Variants in KLHL32 observed in about 807,000 individuals in gnomAD.
The protein encoded by KLHL32 is kelch like family member 32.
In KLHL32, 35 loss-of-function variants were observed where a neutral mutation model predicts 64.8. The ratio of observed to expected loss-of-function variants is 0.54; its 90% CI spans 0.41 to 0.72. The LOEUF is 0.72. KLHL32 is among the 30% of genes least tolerant of loss of function. The pLI is 0.00. For missense variants in KLHL32, 589 were observed against 768.5 expected (o/e 0.77, Z 2.76); for synonymous variants, 259 against 281.0 (o/e 0.92, Z 0.78).
intron 1 of KLHL32, among the ~76,000 whole-genome samples, chr6:96,957,430 G>A (rs1337208640): frequency 6.6e-6 from 1 of 152,114 alleles, no homozygotes; most frequent in Non-Finnish European, 1.5e-5. Context: ...AAAGTAATAT[G>A]TTATTTATCA....
chr6:96,972,532 ACTGT>A (rs2128040284), intron 2 of KLHL32, among the ~76,000 whole-genome samples: 1 of 152,332 alleles, frequency 6.6e-6, no homozygotes, highest in African/African-American at 2.4e-5. Context: ...AAGCCAGGAC[ACTGT>A]CTGCACTCAC....
At chr6:96,988,749 A>G (rs1051715801) in intron 3 of KLHL32, among the ~76,000 whole-genome samples, 7 of 152,262 alleles carry the variant, frequency 4.6e-5, no homozygotes, top group African/African-American at 1.4e-4. Context: ...TGTGGCACAT[A>G]TACACCATGG....
At chr6:97,002,722 A>G (rs902314357) in intron 3 of KLHL32, among the ~76,000 whole-genome samples, 12 of 152,174 alleles carry the variant, frequency 7.9e-5, no homozygotes, top group Non-Finnish European at 1.5e-4. Flanking sequence ...GAGATCACGC[A>G]GTATTTGGTT....
At chr6:96,988,941 C>A (rs1396729829) in intron 3 of KLHL32, among the ~76,000 whole-genome samples, 1 of 151,504 alleles carries the variant, frequency 6.6e-6, no homozygotes. Flanking sequence ...ACATCACACA[C>A]TGGGGCCTGT....
intron 10 of KLHL32, among the ~76,000 whole-genome samples, chr6:97,136,162 G>C (rs1254117992): frequency 6.6e-6 from 1 of 152,120 alleles, no homozygotes; most frequent in Admixed American, 6.5e-5. Context: ...AAATAGTTCT[G>C]AGATTGTTCT....
chr6:96,970,205 A>G (rs901371232), intron 2 of KLHL32, among the ~76,000 whole-genome samples: 1 of 152,170 alleles, frequency 6.6e-6, no homozygotes, highest in Admixed American at 6.5e-5. Flanking sequence ...AGTCTGGCCC[A>G]GTCTCCCCTA....
intron 3 of KLHL32, among the ~76,000 whole-genome samples, chr6:97,011,980 A>G (rs1259533097): frequency 2.6e-5 from 4 of 151,546 alleles, no homozygotes; most frequent in Non-Finnish European, 4.4e-5. Context: ...AACTTTACAG[A>G]TGATGAATTA....
chr6:96,932,712 G>A (rs1039466976), intron 1 of KLHL32, among the ~76,000 whole-genome samples: 3 of 151,866 alleles, frequency 2.0e-5, no homozygotes, highest in African/African-American at 7.3e-5. Flanking sequence ...AACTATAGGT[G>A]TGTATCACCA....
At chr6:97,035,288 T>C (rs1784124970) in intron 3 of KLHL32, among the ~76,000 whole-genome samples, 1 of 152,122 alleles carries the variant, frequency 6.6e-6, no homozygotes, top group African/African-American at 2.4e-5. Flanking sequence ...TAGTCAGAGT[T>C]TAATTCTTTT....
chr6:97,057,951 T>C (rs1053081678), intron 4 of KLHL32, among the ~76,000 whole-genome samples: 1 of 152,204 alleles, frequency 6.6e-6, no homozygotes, highest in Non-Finnish European at 1.5e-5. Context: ...GGTTCAATTT[T>C]TGTATGTGAG....
At chr6:96,972,000 C>T (rs113704992) in intron 2 of KLHL32, among the ~76,000 whole-genome samples, 192 of 152,032 alleles carry the variant, frequency 1.3e-3, no homozygotes, top group African/African-American at 4.3e-3. Flanking sequence ...TACAGGCATG[C>T]GCCACCACAC....
chr6:97,077,116 C>G (rs1791718140), intron 5 of KLHL32, among the ~76,000 whole-genome samples: 1 of 152,128 alleles, frequency 6.6e-6, no homozygotes, highest in Admixed American at 6.5e-5. Context: ...ACAAATGATA[C>G]AAATAGCAAG....
At chr6:97,007,793 G>A (rs781368429) in intron 3 of KLHL32, among the ~76,000 whole-genome samples, 2 of 152,122 alleles carry the variant, frequency 1.3e-5, no homozygotes, top group African/African-American at 2.4e-5. Context: ...CTCTAACTCT[G>A]GGGGGCTGGC....
intron 6 of KLHL32, among the ~76,000 whole-genome samples, chr6:97,106,477 T>A (rs111973150): frequency 0.051 from 7,706 of 152,250 alleles, 677 homozygotes; most frequent in African/African-American, 0.18. Flanking sequence ...GTGCAGTGGC[T>A]AACACTTGTA....
intron 3 of KLHL32, among the ~76,000 whole-genome samples, chr6:97,017,475 A>G (rs1381772130): frequency 6.6e-6 from 1 of 152,224 alleles, no homozygotes; most frequent in Non-Finnish European, 1.5e-5. Flanking sequence ...TGGAACAGAT[A>G]ATGCCAAATA....
intron 7 of KLHL32, among the ~76,000 whole-genome samples, chr6:97,121,288 G>A (rs1798338280): frequency 6.6e-6 from 1 of 152,182 alleles, no homozygotes; most frequent in Non-Finnish European, 1.5e-5. Context: ...TCATGACAGT[G>A]AAGGTCTGCA....
intron 3 of KLHL32, chr6:96,994,756 A>T (rs1055573525): frequency 1.9e-6 from 1 of 537,772 alleles, no homozygotes; most frequent in Non-Finnish European, 2.4e-6. Context: ...GCTTTAAAAA[A>T]TAACAAAAAT....
At chr6:97,079,439 A>G (rs114112469) in intron 5 of KLHL32, among the ~76,000 whole-genome samples, 2,357 of 152,280 alleles carry the variant, frequency 0.015, 59 homozygotes, top group African/African-American at 0.053. Flanking sequence ...AAATGTAACT[A>G]CACTTGAATA....
At chr6:96,949,944 T>C (rs1772371304) in intron 1 of KLHL32, among the ~76,000 whole-genome samples, 3 of 152,132 alleles carry the variant, frequency 2.0e-5, no homozygotes, top group Non-Finnish European at 4.4e-5. Context: ...GGCTAGTGTT[T>C]TGAGTGCTCA....
Sources: allele counts gnomAD v4.1 joint callset (sites outside exome capture counted in the v4.1 genomes callset), GRCh38; gene constraint gnomAD v4.1.1; transcripts MANE v1.5; gene names NCBI Gene and HGNC (gene_info 2026-07-23, HGNC 2026-07-21).